EHHADH: variants seen among roughly 807,000 people sequenced by gnomAD.
EHHADH encodes the protein enoyl-CoA hydratase and 3-hydroxyacyl CoA dehydrogenase.
EHHADH carries 48 observed loss-of-function variants against 64.4 expected under a neutral mutation model. The ratio of observed to expected loss-of-function variants is 0.75; its 90% CI spans 0.59 to 0.95. The LOEUF (loss-of-function observed/expected upper bound fraction) is 0.95, where lower values mean the gene tolerates loss of function less well. EHHADH is among the 40% of genes least tolerant of loss of function. The probability of loss-of-function intolerance (pLI) is 0.00; values close to 1 mark genes in which losing one functional copy is unlikely to be tolerated. For synonymous variants in EHHADH, 308 were observed against 326.7 expected (o/e 0.94, Z 0.62); for missense variants, 854 against 876.6 (o/e 0.97, Z 0.33).
At chr3:185,194,882 A>T (rs948841477) in intron 6 of EHHADH, among the ~76,000 whole-genome samples, 1 of 149,632 alleles carries the variant, frequency 6.7e-6, no homozygotes, top group Non-Finnish European at 1.5e-5. Context: ...AAAAGGATAG[A>T]CATATAGATT....
chr3:185,253,777 G>GAAAAT, intron 1 of EHHADH, 172 bp downstream of exon 1: 1 of 1,175,588 alleles, frequency 8.5e-7, no homozygotes, highest in South Asian at 2.2e-5. Context: ...AAAAAAAAAA[G>GAAAAT]AAAAGAAAAA....
In EHHADH at chr3:185,228,233, C is replaced by CAA. The variant is rs559959272; in HGVS notation, c.463+1197_463+1198dup. ...CTGGCGATAGAGTGAGACTCCGTCT[C>CAA]AAAAAAAAAAAAAAAAAAAAAAAAA... On this transcript the variant is annotated intron_variant, in intron 4 of 6. Transcript: ENST00000231887. Among the ~76,000 whole-genome samples the CAA allele has an allele frequency of 1.7e-3, 21 of 12,674 alleles. 1 individual carries two copies. Among genetic ancestry groups the CAA allele is most frequent in the East Asian group, 0.012 (8 of 686 alleles). 8.3% of individuals were successfully genotyped at this position (12,674 alleles called of 152,430 possible). A position where few individuals can be genotyped will look rare whatever the true frequency, so the allele number is the denominator to read the frequency against.
chr3:185,218,303 C>A, intron 4 of EHHADH, 63 bp from the exon 5 acceptor site: 1 of 1,158,154 alleles, frequency 8.6e-7, no homozygotes, highest in Non-Finnish European at 1.3e-6. Context: ...AAAGCAAAAG[C>A]ATTACTCTCT....
At chr3:185,239,263 T>C (rs1577374297) in intron 2 of EHHADH, among the ~76,000 whole-genome samples, 2 of 152,238 alleles carry the variant, frequency 1.3e-5, no homozygotes, top group East Asian at 3.9e-4. Flanking sequence ...TTTGGCTATT[T>C]GAGCTCTTTT....
chr3:185,235,426 A>G lies in EHHADH; in HGVS notation c.215T>C (p.Phe72Ser). 6.2e-7 allele frequency: 1 copy of G among 1,613,606 alleles called. No homozygotes were observed. The highest frequency in any genetic ancestry group is 8.5e-7 in the Non-Finnish European group (1 of 1,179,810). ...TACTACATGTCCCAGTGTAAGGCCA[A>G]ATGTCCTAGGAGCACTGAAGCCACG... ...DIRGFSAPRT[F>S]GLTLGHVVDE... The change falls in exon 3 of 7, where the codon TTT (phenylalanine) becomes TCT (serine). Residue 72 changes from phenylalanine (F) to serine (S), a missense_variant. Transcript: ENST00000231887.
chr3:185,196,894 C>T (rs1204055143), intron 6 of EHHADH, among the ~76,000 whole-genome samples: 1 of 151,552 alleles, frequency 6.6e-6, no homozygotes, highest in African/African-American at 2.4e-5. Context: ...CCCAGCTCCT[C>T]AGGAGGCTGA....
intron 1 of EHHADH, chr3:185,253,170 G>C (rs1719794751): frequency 6.6e-6 from 1 of 151,096 alleles, no homozygotes; most frequent in Non-Finnish European, 1.5e-5. Flanking sequence ...AAATAATTTT[G>C]CGTTTCCGGG....
chr3:185,200,652 G>A (rs999464620), intron 6 of EHHADH, among the ~76,000 whole-genome samples: 6 of 152,174 alleles, frequency 3.9e-5, no homozygotes, highest in Non-Finnish European at 7.3e-5. Flanking sequence ...TGACTGCCAT[G>A]GAATTGAATT....
At chr3:185,196,355 T>C (rs1343139275) in intron 6 of EHHADH, among the ~76,000 whole-genome samples, 1 of 152,156 alleles carries the variant, frequency 6.6e-6, no homozygotes, top group Admixed American at 6.5e-5. Context: ...AACTGGTGTA[T>C]AGATACACAA....
chr3:185,233,048 G>A (rs1719180584), intron 3 of EHHADH, among the ~76,000 whole-genome samples: 1 of 152,124 alleles, frequency 6.6e-6, no homozygotes, highest in Non-Finnish European at 1.5e-5. Flanking sequence ...CACTGATAAA[G>A]AGTAACTTCA....
At chr3:185,221,243 C>G (rs1718824688) in intron 4 of EHHADH, among the ~76,000 whole-genome samples, 1 of 152,168 alleles carries the variant, frequency 6.6e-6, no homozygotes. Flanking sequence ...TCATTTTACA[C>G]TATTATGATT....
intron 1 of EHHADH, among the ~76,000 whole-genome samples, chr3:185,252,732 A>T (rs1719783398): frequency 1.3e-5 from 2 of 152,222 alleles, no homozygotes. Context: ...TGATAAATCA[A>T]ATCCAATGAC....
At position 185,232,606 on chromosome 3, in the gene EHHADH, G is replaced by A. The variant is rs576954917; in HGVS notation, c.351+2684C>T. ...TGGGATTACAGGCATGTGCTACCAC[G>A]CCCAGCTAATTTTGTATTTTTAGTA... On this transcript the variant is annotated intron_variant, in intron 3 of 6. Transcript: ENST00000231887. Among the ~76,000 whole-genome samples, 181 of 152,134 alleles carry A rather than the reference G, an allele frequency of 1.2e-3. No individual in the cohort carries two copies. The South Asian group carries it at 0.032, about 27-fold the overall frequency.
rs557111308 is a variant in EHHADH at position 185,199,869 on chromosome 3, C to G, written c.910+4547G>C. On this transcript the variant is annotated intron_variant, in intron 6 of 6. Transcript: ENST00000231887. ...CAAGTGACCTTCCTGCCTCGGCCCC[C>G]CTAGTGGCTGCAACTGAGGCATGTG... is the stretch of plus-strand genomic sequence containing the variant. Among the ~76,000 whole-genome samples the G allele has an allele frequency of 2.6e-5, 4 of 152,298 alleles. No homozygotes were observed. The South Asian group carries it at 8.3e-4, about 32-fold the overall frequency.
At chr3:185,199,075 C>T (rs535896492) in intron 6 of EHHADH, among the ~76,000 whole-genome samples, 33 of 152,092 alleles carry the variant, frequency 2.2e-4, no homozygotes, top group South Asian at 1.7e-3. Context: ...GAAAAAATTA[C>T]ATTCAGTTGG....
In EHHADH at chr3:185,253,946, T is replaced by G; in HGVS notation, c.74+3A>C. ...CCGGGCTGGAGGCGACCGAGCCCGT[T>G]ACCTGATCGCGTTGACCGGCGGGTT... On this transcript the variant is annotated splice_donor_region_variant and intron_variant, in intron 1 of 6. Transcript: ENST00000231887. 2 of 1,614,044 alleles carry G rather than the reference T, an allele frequency of 1.2e-6. No homozygotes were observed. Among genetic ancestry groups the G allele is most frequent in the Non-Finnish European group, 1.7e-6 (2 of 1,179,946 alleles).
Position 185,204,450 on chromosome 3 carries a change from T to C in EHHADH, c.876A>G (p.Ala292=), listed in dbSNP as rs374946237. The change falls in exon 6 of 7, where the codon GCA becomes GCG. Residue 292 remains alanine (A), a synonymous_variant. Coordinates refer to ENST00000231887, the MANE Select transcript of EHHADH (RefSeq NM_001966.4). ...CAACTGAGGAGACAGGCCGCGCTGATGCTGTTTTCCACGATGCTCCGGAGG... is the reference window on the plus strand; with the variant it reads ...CAACTGAGGAGACAGGCCGCGCTGACGCTGTTTTCCACGATGCTCCGGAGG... ...STPSGASWKT[A]SARPVSSVGV... 2.3e-5 allele frequency: 37 copies of C among 1,612,768 alleles called. No individual in the cohort carries two copies. Among genetic ancestry groups the C allele is most frequent in the Non-Finnish European group, 3.0e-5 (35 of 1,179,492 alleles).
intron 6 of EHHADH, 130 bp downstream of exon 6, chr3:185,204,286 T>C: frequency 1.3e-6 from 1 of 772,824 alleles, no homozygotes; most frequent in East Asian, 2.7e-5. Context: ...CATGGGGTGG[T>C]GTGAGAATTA....
At chr3:185,220,995 C>T (rs1718818201) in intron 4 of EHHADH, among the ~76,000 whole-genome samples, 1 of 152,142 alleles carries the variant, frequency 6.6e-6, no homozygotes, top group African/African-American at 2.4e-5. Flanking sequence ...CAAATCAAAA[C>T]CCCATCATAT....
Sources: allele counts gnomAD v4.1 joint callset (sites outside exome capture counted in the v4.1 genomes callset), GRCh38; gene constraint gnomAD v4.1.1; transcripts MANE v1.5; gene names NCBI Gene and HGNC (gene_info 2026-07-23, HGNC 2026-07-21).